The following FAM163A variants were observed in gnomAD, a reference collection of about 807,000 sequenced individuals.
FAM163A encodes the protein family with sequence similarity 163 member A, also known as protein FAM163A.
A neutral mutation model predicts 12.0 loss-of-function variants in FAM163A; 7 were observed. The ratio of observed to expected loss-of-function variants is 0.58; its 90% confidence interval spans 0.33 to 1.10. FAM163A has a LOEUF of 1.10. Among genes scored for constraint, FAM163A ranks in the 50% least tolerant of loss-of-function variants. The probability of loss-of-function intolerance (pLI) is 0.03; values close to 1 mark genes in which losing one functional copy is unlikely to be tolerated. For synonymous variants in FAM163A, 101 were observed against 91.0 expected (o/e 1.11, Z -0.62); for missense variants, 202 against 218.6 (o/e 0.92, Z 0.48).
intron 1 of FAM163A, among the ~76,000 whole-genome samples, chr1:179,769,900 CTTTTT>C (rs1196869449): frequency 6.8e-4 from 66 of 97,118 alleles, no homozygotes; most frequent in Non-Finnish European, 9.4e-4. Flanking sequence ...ATCCCTAATT[CTTTTT>C]TTTTTTTTTT....
At chr1:179,756,401 G>T (rs138706428) in intron 1 of FAM163A, among the ~76,000 whole-genome samples, 186 of 152,302 alleles carry the variant, frequency 1.2e-3, no homozygotes, top group African/African-American at 4.2e-3. Flanking sequence ...TGGATGTGAG[G>T]GGAGAGAAAG....
At chr1:179,734,200 A>C in the FAM163A span, among the ~76,000 whole-genome samples, 2 of 152,194 alleles carry the variant, frequency 1.3e-5, no homozygotes, top group Admixed American at 6.5e-5. Flanking sequence ...TTAAACTTTG[A>C]CTGTCAGAAA....
intron 1 of FAM163A, among the ~76,000 whole-genome samples, chr1:179,782,464 G>A (rs2148188087): frequency 6.6e-6 from 1 of 152,074 alleles, no homozygotes; most frequent in Non-Finnish European, 1.5e-5. Context: ...TTGGCGGGCG[G>A]GAAAGCTTGT....
At chr1:179,738,575 T>C (rs577578253), upstream of FAM163A, among the ~76,000 whole-genome samples, 1 of 152,204 alleles carries the variant, frequency 6.6e-6, no homozygotes, top group Admixed American at 6.5e-5. Flanking sequence ...CAAAAATCAA[T>C]GCAATCCACC....
intron 1 of FAM163A, among the ~76,000 whole-genome samples, chr1:179,753,615 T>G (rs569111154): frequency 5.5e-4 from 83 of 152,080 alleles, no homozygotes; most frequent in Non-Finnish European, 8.5e-4. Context: ...TCTCCTGGGG[T>G]AACTGGAGAG....
chr1:179,771,342 C>T (rs979393194), intron 1 of FAM163A, among the ~76,000 whole-genome samples: 18 of 152,180 alleles, frequency 1.2e-4, no homozygotes, highest in African/African-American at 4.3e-4. Flanking sequence ...TGGTCCAGGC[C>T]CATCAGCTTT....
chr1:179,771,806 CT>C (rs1688329876), intron 1 of FAM163A, among the ~76,000 whole-genome samples: 1 of 152,094 alleles, frequency 6.6e-6, no homozygotes, highest in South Asian at 2.1e-4. Context: ...CAGTCATCTG[CT>C]TGGCCTCTCT....
intron 1 of FAM163A, among the ~76,000 whole-genome samples, chr1:179,786,708 T>C (rs1181325602): frequency 6.6e-6 from 1 of 152,194 alleles, no homozygotes; most frequent in Non-Finnish European, 1.5e-5. Context: ...TGAATAACTT[T>C]CTCAAAGTCT....
chr1:179,801,481 G>A (rs1416409115), intron 1 of FAM163A, among the ~76,000 whole-genome samples: 1 of 152,144 alleles, frequency 6.6e-6, no homozygotes, highest in Non-Finnish European at 1.5e-5. Flanking sequence ...CAGGGACCCT[G>A]AGGCTCTTGG....
intron 1 of FAM163A, among the ~76,000 whole-genome samples, chr1:179,780,227 AG>A (rs1467117360): frequency 6.6e-6 from 1 of 152,264 alleles, no homozygotes; most frequent in Non-Finnish European, 1.5e-5. Flanking sequence ...CATAACTGAC[AG>A]GATAAAATAA....
intron 1 of FAM163A, among the ~76,000 whole-genome samples, chr1:179,768,692 A>G (rs552048409): frequency 6.6e-6 from 1 of 151,788 alleles, no homozygotes; most frequent in South Asian, 2.1e-4. Context: ...TGCAACCTCA[A>G]CCTCCTGGGT....
intron 1 of FAM163A, among the ~76,000 whole-genome samples, chr1:179,769,090 G>C (rs1355529156): frequency 6.6e-6 from 1 of 151,942 alleles, no homozygotes; most frequent in East Asian, 1.9e-4. Flanking sequence ...ACTAGGCTGG[G>C]GGCTCATTAT....
At chr1:179,806,989 C>A (rs1182109052) in intron 1 of FAM163A, among the ~76,000 whole-genome samples, 1 of 151,916 alleles carries the variant, frequency 6.6e-6, no homozygotes, top group Non-Finnish European at 1.5e-5. Context: ...GTAGTACCAG[C>A]TACTTGGGAG....
chr1:179,772,372 A>G (rs956092037), intron 1 of FAM163A, among the ~76,000 whole-genome samples: 8 of 152,106 alleles, frequency 5.3e-5, no homozygotes, highest in African/African-American at 1.9e-4. Context: ...AGTCCTCCAG[A>G]TCATCTTTTT....
intron 1 of FAM163A, among the ~76,000 whole-genome samples, chr1:179,766,781 G>C (rs56987384): frequency 6.6e-6 from 1 of 150,608 alleles, no homozygotes; most frequent in African/African-American, 2.4e-5. Context: ...TGGAGACGTA[G>C]TTTTACTCTT....
the FAM163A span, chr1:179,730,276 C>T: frequency 2.0e-5 from 3 of 152,200 alleles, no homozygotes; most frequent in Non-Finnish European, 4.4e-5. Context: ...AAATGATTTC[C>T]TCTTTCTGGG....
chr1:179,750,689 G>A (rs1436957487), intron 1 of FAM163A, among the ~76,000 whole-genome samples: 2 of 152,206 alleles, frequency 1.3e-5, no homozygotes, highest in Non-Finnish European at 2.9e-5. Context: ...AAAGCAAGGG[G>A]TAGTCACTGA....
intron 1 of FAM163A, among the ~76,000 whole-genome samples, chr1:179,744,736 C>A (rs1175181539): frequency 6.6e-6 from 1 of 152,142 alleles, no homozygotes; most frequent in African/African-American, 2.4e-5. Context: ...GGGCCCTCCC[C>A]CAGGGCGCCC....
chr1:179,799,601 A>G (rs1692865964), intron 1 of FAM163A, among the ~76,000 whole-genome samples: 1 of 152,258 alleles, frequency 6.6e-6, no homozygotes. Flanking sequence ...AGAGAAATCA[A>G]AATCTGCCAT....
Sources: allele counts gnomAD v4.1 joint callset (sites outside exome capture counted in the v4.1 genomes callset), GRCh38; gene constraint gnomAD v4.1.1; transcripts MANE v1.5; gene names NCBI Gene and HGNC (gene_info 2026-07-23, HGNC 2026-07-21).